The following DCC variants were observed in gnomAD, a reference collection of about 807,000 sequenced individuals.
DCC encodes the protein netrin receptor DCC.
A neutral mutation model predicts 172.5 loss-of-function variants in DCC; 58 were observed. The observed-to-expected ratio is 0.34, with a 90% confidence interval of 0.27 to 0.42. The LOEUF (loss-of-function observed/expected upper bound fraction) is 0.42, where lower values mean the gene tolerates loss of function less well. DCC is among the 10% of genes least tolerant of loss of function. The probability of loss-of-function intolerance (pLI) is 1.00; values close to 1 mark genes in which losing one functional copy is unlikely to be tolerated. For missense variants in DCC, 1,740 were observed against 1,791.0 expected (o/e 0.97, Z 0.51); for synonymous variants, 709 against 644.5 (o/e 1.10, Z -1.52).
chr18:52,366,963 C>T (rs1984893855), intron 1 of DCC, among the ~76,000 whole-genome samples: 3 of 152,214 alleles, frequency 2.0e-5, no homozygotes, highest in East Asian at 1.9e-4. Flanking sequence ...GGGTGGTGCT[C>T]CTTGGGGAGG....
In DCC at chr18:53,470,802, G is replaced by A. The variant is rs542052344; in HGVS notation, c.3736+2792G>A. On this transcript the variant is annotated intron_variant, in intron 25 of 28. Transcript: ENST00000442544. ...CTCATGAGAACTCACTCACCATCACGAGGATCATGGGGGGAACTGCCCCAA... is the reference window on the plus strand; with the variant it reads ...CTCATGAGAACTCACTCACCATCACAAGGATCATGGGGGGAACTGCCCCAA... Among the ~76,000 whole-genome samples, 38 of 152,200 alleles carry A rather than the reference G, an allele frequency of 2.5e-4. No individual in the cohort carries two copies. The South Asian group carries it at 6.8e-3, about 27-fold the overall frequency.
At chr18:52,690,048 C>A (rs2035907247) in intron 1 of DCC, among the ~76,000 whole-genome samples, 1 of 152,130 alleles carries the variant, frequency 6.6e-6, no homozygotes, top group South Asian at 2.1e-4. Context: ...AGAAGATCCA[C>A]AAGCTCAGTC....
chr18:53,279,650 A>C (rs918800132), intron 12 of DCC, among the ~76,000 whole-genome samples: 1 of 120,020 alleles, frequency 8.3e-6, no homozygotes, highest in Non-Finnish European at 1.7e-5. Flanking sequence ...AGTATAATAA[A>C]AAAAAAAAAA....
intron 1 of DCC, among the ~76,000 whole-genome samples, chr18:52,698,169 G>A (rs2036044164): frequency 6.6e-6 from 1 of 152,084 alleles, no homozygotes; most frequent in Non-Finnish European, 1.5e-5. Flanking sequence ...TAATGGCTAG[G>A]ATCAGCTGAG....
intron 1 of DCC, among the ~76,000 whole-genome samples, chr18:52,694,487 T>C (rs1367953824): frequency 6.6e-6 from 1 of 152,170 alleles, no homozygotes; most frequent in Non-Finnish European, 1.5e-5. Context: ...GATTCCACAC[T>C]GTTCTATAAC....
intron 5 of DCC, among the ~76,000 whole-genome samples, chr18:53,036,066 A>C (rs2042088296): frequency 6.6e-6 from 1 of 152,018 alleles, no homozygotes; most frequent in African/African-American, 2.4e-5. Context: ...CATCTTACAG[A>C]ATTGCTTTAG....
intron 1 of DCC, among the ~76,000 whole-genome samples, chr18:52,552,282 G>C (rs916230258): frequency 1.3e-5 from 2 of 151,968 alleles, no homozygotes; most frequent in East Asian, 3.9e-4. Flanking sequence ...GCCATTCGAA[G>C]GACCTTGTTT....
In DCC at chr18:52,610,169, AAAAAAAAAAATATAT is replaced by A. The variant is rs1568254106; in HGVS notation, c.92-141883_92-141869del. On this transcript the variant is annotated intron_variant, in intron 1 of 28. Coordinates refer to ENST00000442544, the MANE Select transcript of DCC (RefSeq NM_005215.4). ...TCTCTCATAAAAAAAAAAAAAAAAAAAAAAAAAAAATATATATATATATATATATATATATATATA... is the reference window on the plus strand; with the variant it reads ...TCTCTCATAAAAAAAAAAAAAAAAAAATATATATATATATATATATATATA... Among the ~76,000 whole-genome samples, 10 of 27,236 alleles carry A rather than the reference AAAAAAAAAAATATAT, an allele frequency of 3.7e-4. No individual in the cohort carries two copies. The East Asian group carries it at 8.2e-3, about 22-fold the overall frequency. The allele number at this position is 27,236 out of a possible 152,430, so 17.9% of individuals were successfully genotyped here.
intron 5 of DCC, among the ~76,000 whole-genome samples, chr18:53,032,693 G>T (rs1314885156): frequency 1.3e-5 from 2 of 152,130 alleles, no homozygotes; most frequent in African/African-American, 4.8e-5. Context: ...ACCCCTTGGA[G>T]ATGAAGAGCT....
chr18:52,886,776 C>T (rs2039576776), intron 2 of DCC, among the ~76,000 whole-genome samples: 1 of 151,934 alleles, frequency 6.6e-6, no homozygotes, highest in Non-Finnish European at 1.5e-5. Flanking sequence ...ATTTTTGGTT[C>T]TTCTGATGGT....
chr18:53,261,311 G>T (rs1475736425), intron 12 of DCC, among the ~76,000 whole-genome samples: 1 of 152,188 alleles, frequency 6.6e-6, no homozygotes, highest in African/African-American at 2.4e-5. Flanking sequence ...GGGAGCTGTA[G>T]ACTGGAGCTG....
chr18:52,349,698 T>C (rs1984032943), intron 1 of DCC, among the ~76,000 whole-genome samples: 1 of 152,230 alleles, frequency 6.6e-6, no homozygotes, highest in South Asian at 2.1e-4. Context: ...CATACCCTTT[T>C]CAGTGACACT....
rs901002653 is a variant in DCC at position 52,340,255 on chromosome 18, C to T, written c.-533C>T. 1.0e-5 allele frequency: 2 copies of T among 195,864 alleles called. No homozygotes were observed. The highest frequency in any genetic ancestry group is 2.1e-5 in the Non-Finnish European group (2 of 93,608). The allele number at this position is 195,864 out of a possible 1,614,324, so 12.1% of individuals were successfully genotyped here. On this transcript the variant is annotated 5_prime_UTR_variant, in exon 1 of 29. Transcript: ENST00000442544. Reference sequence around the variant, plus strand: ...AGAGCGCTCCACCCCGCAGTCCCCCCCGCCTCTCCTCCCTGGGTCCCCTCG... The same window carrying T: ...AGAGCGCTCCACCCCGCAGTCCCCCTCGCCTCTCCTCCCTGGGTCCCCTCG...
Position 52,680,802 on chromosome 18 carries a change from T to A in DCC, c.92-71252T>A, listed in dbSNP as rs200964347. Among the ~76,000 whole-genome samples, 10 of 152,232 alleles carry A rather than the reference T, an allele frequency of 6.6e-5. No individual in the cohort carries two copies. The East Asian group carries it at 1.9e-3, about 29-fold the overall frequency. On this transcript the variant is annotated intron_variant, in intron 1 of 28. Transcript: ENST00000442544. Reference sequence around the variant, plus strand: ...AGATGTTGTTAAAGGAAAAAATCTCTTCTTACACTGCCCTTCCCCATCTAA... The same window carrying A: ...AGATGTTGTTAAAGGAAAAAATCTCATCTTACACTGCCCTTCCCCATCTAA...
chr18:53,023,815 T>G (rs561790537), intron 5 of DCC, among the ~76,000 whole-genome samples: 13 of 152,142 alleles, frequency 8.5e-5, no homozygotes, highest in Non-Finnish European at 1.8e-4. Context: ...GTGGATTGAT[T>G]TGACAGCTGC....
intron 2 of DCC, among the ~76,000 whole-genome samples, chr18:52,886,708 T>A (rs1200509473): frequency 1.3e-5 from 2 of 152,226 alleles, no homozygotes. Flanking sequence ...TCTCCTACCC[T>A]CTTCAGAGTC....
intron 21 of DCC, among the ~76,000 whole-genome samples, chr18:53,419,458 A>C (rs1910509583): frequency 6.7e-6 from 1 of 150,302 alleles, no homozygotes; most frequent in South Asian, 2.1e-4. Context: ...TACCATTCCC[A>C]GCCTCTGGTC....
At chr18:52,470,477 G>A (rs1988915312) in intron 1 of DCC, among the ~76,000 whole-genome samples, 1 of 152,084 alleles carries the variant, frequency 6.6e-6, no homozygotes, top group Admixed American at 6.6e-5. Context: ...ATTGAGGAAG[G>A]GATCTGAGTC....
intron 24 of DCC, among the ~76,000 whole-genome samples, chr18:53,462,397 T>G (rs1164185737): frequency 6.6e-6 from 1 of 151,886 alleles, no homozygotes; most frequent in Non-Finnish European, 1.5e-5. Flanking sequence ...TATTGTGAAG[T>G]GCACATGTGA....
Sources: allele counts gnomAD v4.1 joint callset (sites outside exome capture counted in the v4.1 genomes callset), GRCh38; gene constraint gnomAD v4.1.1; transcripts MANE v1.5; gene names NCBI Gene and HGNC (gene_info 2026-07-23, HGNC 2026-07-21).